CFAP54: variants seen among roughly 807,000 people sequenced by gnomAD.
The protein encoded by CFAP54 is cilia and flagella associated protein 54.
Under a neutral mutation model 370.4 loss-of-function variants are expected in CFAP54, and 290 were observed. The ratio of observed to expected loss-of-function variants is 0.78; its 90% CI spans 0.71 to 0.86. The LOEUF is 0.86. CFAP54 is among the 40% of genes least tolerant of loss of function. The pLI is 0.00. For missense variants in CFAP54, 3,399 were observed against 3,528.7 expected (o/e 0.96, Z 0.93); for synonymous variants, 1,206 against 1,236.5 (o/e 0.98, Z 0.52).
chr12:96,533,383 C>A (rs1955462685), intron 9 of CFAP54, among the ~76,000 whole-genome samples: 2 of 152,114 alleles, frequency 1.3e-5, no homozygotes, highest in Admixed American at 6.6e-5. Flanking sequence ...GTTGGTGTTT[C>A]TTATTATTCT....
chr12:96,537,609 T>C (rs1262203714), intron 12 of CFAP54, among the ~76,000 whole-genome samples: 2 of 152,202 alleles, frequency 1.3e-5, no homozygotes, highest in Non-Finnish European at 2.9e-5. Context: ...CCCAAAGTGC[T>C]GGGATTATAG....
chr12:96,795,063 G>A (rs1250021583), intron 63 of CFAP54, among the ~76,000 whole-genome samples: 2 of 152,186 alleles, frequency 1.3e-5, no homozygotes, highest in African/African-American at 4.8e-5. Flanking sequence ...GTACAGAGGA[G>A]TGTCTGCAAA....
At chr12:96,678,188 T>G (rs1359459445) in intron 39 of CFAP54, among the ~76,000 whole-genome samples, 1 of 152,212 alleles carries the variant, frequency 6.6e-6, no homozygotes, top group Non-Finnish European at 1.5e-5. Flanking sequence ...TGACCATTTT[T>G]AAGGTGCTGT....
At chr12:96,633,471 G>A (rs1956630664) in intron 32 of CFAP54, among the ~76,000 whole-genome samples, 1 of 152,206 alleles carries the variant, frequency 6.6e-6, no homozygotes, top group African/African-American at 2.4e-5. Context: ...ATGCACATGT[G>A]TGTGTGTTTG....
At chr12:96,746,585 C>T (rs1387053586) in intron 55 of CFAP54, among the ~76,000 whole-genome samples, 3 of 152,354 alleles carry the variant, frequency 2.0e-5, no homozygotes, top group South Asian at 4.1e-4. Flanking sequence ...GGTTTCCTAT[C>T]CATAATTACC....
At chr12:96,838,672 T>G (rs1959194307) in intron 66 of CFAP54, among the ~76,000 whole-genome samples, 1 of 152,118 alleles carries the variant, frequency 6.6e-6, no homozygotes, top group South Asian at 2.1e-4. Flanking sequence ...TCCCACTAGA[T>G]TCCTCCCTCA....
chr12:96,776,331 C>T (rs1028283345), intron 60 of CFAP54, among the ~76,000 whole-genome samples: 1 of 151,428 alleles, frequency 6.6e-6, no homozygotes, highest in Non-Finnish European at 1.5e-5. Context: ...AAAAATTAGA[C>T]AAATCTATTA....
At chr12:96,642,645 G>T (rs115292028) in intron 32 of CFAP54, among the ~76,000 whole-genome samples, 3 of 152,066 alleles carry the variant, frequency 2.0e-5, no homozygotes, top group African/African-American at 2.4e-5. Flanking sequence ...ATGTCAATAC[G>T]CTAGCTTATT....
intron 5 of CFAP54, among the ~76,000 whole-genome samples, chr12:96,516,378 C>G (rs74830209): frequency 0.018 from 2,545 of 140,442 alleles, 76 homozygotes; most frequent in African/African-American, 0.064. Context: ...CGTCATGACC[C>G]ATTCTATTTT....
chr12:96,517,560 A>G (rs1042856525), intron 5 of CFAP54, among the ~76,000 whole-genome samples: 5 of 152,228 alleles, frequency 3.3e-5, no homozygotes, highest in African/African-American at 1.2e-4. Flanking sequence ...AGAGATTGTT[A>G]GGGAGCAGCA....
intron 40 of CFAP54, among the ~76,000 whole-genome samples, chr12:96,681,489 T>G (rs1957271185): frequency 6.6e-6 from 1 of 151,636 alleles, no homozygotes; most frequent in Non-Finnish European, 1.5e-5. Flanking sequence ...AAAGGCAAAC[T>G]CAAACTATGC....
chr12:96,680,113 A>G (rs970864711), intron 40 of CFAP54, among the ~76,000 whole-genome samples: 8 of 152,374 alleles, frequency 5.3e-5, no homozygotes, highest in Non-Finnish European at 1.2e-4. Flanking sequence ...CACTGAGTTA[A>G]CTAGAACCTT....
intron 19 of CFAP54, among the ~76,000 whole-genome samples, chr12:96,575,000 C>T (rs964064543): frequency 6.6e-6 from 1 of 152,098 alleles, no homozygotes; most frequent in African/African-American, 2.4e-5. Context: ...GAGCCTGACA[C>T]TTTTATATGA....
At chr12:96,524,875 AAT>A (rs1267390766) in intron 8 of CFAP54, among the ~76,000 whole-genome samples, 1 of 152,170 alleles carries the variant, frequency 6.6e-6, no homozygotes, top group Non-Finnish European at 1.5e-5. Flanking sequence ...TAATTTGTCT[AAT>A]ATTTTATCAT....
chr12:96,595,613 G>A (rs899731616), intron 25 of CFAP54, among the ~76,000 whole-genome samples: 5 of 152,056 alleles, frequency 3.3e-5, no homozygotes, highest in Admixed American at 3.3e-4. Context: ...GATTCACCTT[G>A]GAGGGGCTCT....
intron 52 of CFAP54, 121 bp from the exon 53 acceptor site, chr12:96,743,281 A>T: frequency 2.1e-6 from 2 of 948,124 alleles, no homozygotes; most frequent in Non-Finnish European, 1.5e-6. Flanking sequence ...TTTCCATCTT[A>T]ATATACTCCC....
At chr12:96,814,787 T>C (rs531265246) in intron 64 of CFAP54, among the ~76,000 whole-genome samples, 2 of 152,286 alleles carry the variant, frequency 1.3e-5, no homozygotes, top group African/African-American at 4.8e-5. Flanking sequence ...CTCCCACTTA[T>C]AAGTGAGAAC....
At chr12:96,601,709 A>C (rs1180236911) in intron 26 of CFAP54, among the ~76,000 whole-genome samples, 1 of 152,128 alleles carries the variant, frequency 6.6e-6, no homozygotes, top group Admixed American at 6.5e-5. Flanking sequence ...CCAGGAATTT[A>C]TCCATTTCTT....
intron 6 of CFAP54, among the ~76,000 whole-genome samples, chr12:96,519,541 G>C (rs897823412): frequency 5.3e-5 from 8 of 152,180 alleles, no homozygotes; most frequent in African/African-American, 1.9e-4. Flanking sequence ...CTTTTCCATT[G>C]TTTTTCTCTC....
Sources: gnomAD v4.1 joint callset for allele counts (sites outside exome capture counted in the v4.1 genomes callset) on GRCh38, gnomAD v4.1.1 for gene constraint, MANE v1.5 for transcripts, NCBI Gene and HGNC (gene_info 2026-07-23, HGNC 2026-07-21) for gene names.